The following IRAK4 variants were observed in gnomAD, a reference collection of about 807,000 sequenced individuals.
IRAK4 encodes the protein interleukin-1 receptor-associated kinase 4.
Under a neutral mutation model 51.8 loss-of-function variants are expected in IRAK4, and 44 were observed. The observed-to-expected ratio is 0.85, with a 90% CI of 0.67 to 1.09. IRAK4 has a LOEUF of 1.09. Ranked by LOEUF, IRAK4 falls within the 50% of genes least tolerant of loss-of-function variation. The probability of loss-of-function intolerance (pLI) is 0.00; values close to 1 mark genes in which losing one functional copy is unlikely to be tolerated. For synonymous variants in IRAK4, 149 were observed against 174.1 expected, an observed-to-expected ratio of 0.86 and a Z score of 1.13; for missense variants, 487 against 538.0, an observed-to-expected ratio of 0.91 and a Z score of 0.94.
chr12:43,770,500 T>C (rs1269158445), intron 2 of IRAK4, among the ~76,000 whole-genome samples: 1 of 152,214 alleles, frequency 6.6e-6, no homozygotes, highest in Non-Finnish European at 1.5e-5. Context: ...ACTAGTAAAT[T>C]CATATGATAA....
chr12:43,771,772 C>T (rs1451571074), intron 3 of IRAK4, among the ~76,000 whole-genome samples: 2 of 152,038 alleles, frequency 1.3e-5, no homozygotes, highest in Non-Finnish European at 2.9e-5. Context: ...TCCTTATAAG[C>T]TTTCTTTTTT....
intron 5 of IRAK4, chr12:43,773,742 T>C (rs1212064479): frequency 2.8e-6 from 1 of 359,338 alleles, no homozygotes. Flanking sequence ...TCATTTTGTT[T>C]CCACAACTCA....
chr12:43,771,449 T>A, intron 3 of IRAK4, 84 bp downstream of exon 3: 1 of 1,404,590 alleles, frequency 7.1e-7, no homozygotes, highest in Non-Finnish European at 1.0e-6. Flanking sequence ...TACTCTTCCT[T>A]TTTTCTCATA....
intron 8 of IRAK4, among the ~76,000 whole-genome samples, chr12:43,781,005 G>T (rs1402977469): frequency 1.3e-5 from 2 of 152,138 alleles, no homozygotes; most frequent in East Asian, 3.8e-4. Context: ...CTTCATCTGG[G>T]TATCCCACAG....
At chr12:43,781,067 T>C (rs1216983204) in intron 8 of IRAK4, among the ~76,000 whole-genome samples, 2 of 152,198 alleles carry the variant, frequency 1.3e-5, no homozygotes, top group African/African-American at 4.8e-5. Context: ...CTTCCCAACC[T>C]AAAGTCTTCC....
chr12:43,782,154 T>C (rs1941827376), intron 8 of IRAK4, among the ~76,000 whole-genome samples, 153 bp from the exon 9 acceptor site: 1 of 152,160 alleles, frequency 6.6e-6, no homozygotes, highest in South Asian at 2.1e-4. Flanking sequence ...TGATGCATAC[T>C]ATAAAACGTT....
chr12:43,769,813 A>T (rs1940558007), intron 2 of IRAK4, among the ~76,000 whole-genome samples: 1 of 152,216 alleles, frequency 6.6e-6, no homozygotes, highest in Non-Finnish European at 1.5e-5. Context: ...TGGATGTGAT[A>T]CAATGGGAAA....
At chr12:43,759,194 G>C (rs1592196955) in intron 1 of IRAK4, 178 bp downstream of exon 1, 1 of 152,386 alleles carries the variant, frequency 6.6e-6, no homozygotes, top group South Asian at 2.1e-4. Context: ...CCAGAAGAAA[G>C]ACTTGGGTAG....
At chr12:43,774,875 G>C (rs1835507020) in intron 6 of IRAK4, among the ~76,000 whole-genome samples, 1 of 152,218 alleles carries the variant, frequency 6.6e-6, no homozygotes, top group African/African-American at 2.4e-5. Context: ...CAACATGCCA[G>C]ACATTGTGCT....
At chr12:43,785,653 T>TAC (rs1170622722) in intron 10 of IRAK4, among the ~76,000 whole-genome samples, 2 of 149,172 alleles carry the variant, frequency 1.3e-5, no homozygotes, top group African/African-American at 2.5e-5. Flanking sequence ...TATATATATA[T>TAC]ACACATACCC....
chr12:43,764,946 G>A (rs4251445), intron 1 of IRAK4, among the ~76,000 whole-genome samples: 1,783 of 152,242 alleles, frequency 0.012, 37 homozygotes, highest in African/African-American at 0.04. Flanking sequence ...CTGCAGCCAT[G>A]CCCTTGCTTT....
intron 6 of IRAK4, among the ~76,000 whole-genome samples, chr12:43,775,041 C>T (rs780212627): frequency 2.6e-4 from 40 of 152,222 alleles, no homozygotes; most frequent in Admixed American, 6.5e-4. Flanking sequence ...TGTTTGATTG[C>T]GGAGCCTGAA....
intron 1 of IRAK4, among the ~76,000 whole-genome samples, chr12:43,765,840 C>CA (rs35140478): frequency 0.045 from 5,215 of 115,892 alleles, 111 homozygotes; most frequent in African/African-American, 0.071. Flanking sequence ...TAACATGAGC[C>CA]AAAAAAAAAA....
chr12:43,780,281 T>C lies in IRAK4; in HGVS notation c.941+1979T>C, dbSNP rs569996507. On this transcript the variant is annotated intron_variant, in intron 8 of 11. Transcript: ENST00000613694. Reference sequence around the variant, plus strand: ...TATAGACAAGTCTTTTAAGACATTTTACTAGTGAAGGGGACAGCTAGAAAT... The same window carrying C: ...TATAGACAAGTCTTTTAAGACATTTCACTAGTGAAGGGGACAGCTAGAAAT... 5.3e-5 allele frequency among the ~76,000 whole-genome samples: 8 copies of C among 152,320 alleles called. No homozygotes were observed. The South Asian group carries it at 1.4e-3, about 28-fold the overall frequency.
At chr12:43,774,441 G>A (rs1256277696) in intron 6 of IRAK4, among the ~76,000 whole-genome samples, 1 of 152,046 alleles carries the variant, frequency 6.6e-6, no homozygotes, top group Non-Finnish European at 1.5e-5. Flanking sequence ...TAGAGACGGG[G>A]TTTCACCGTG....
At chr12:43,764,672 A>G (rs1939928898) in intron 1 of IRAK4, among the ~76,000 whole-genome samples, 1 of 152,204 alleles carries the variant, frequency 6.6e-6, no homozygotes, top group Non-Finnish European at 1.5e-5. Flanking sequence ...TGGATGCCTA[A>G]TGATTTCCAG....
At chr12:43,769,885 A>G (rs1427535095) in intron 2 of IRAK4, among the ~76,000 whole-genome samples, 2 of 152,194 alleles carry the variant, frequency 1.3e-5, no homozygotes, top group African/African-American at 4.8e-5. Flanking sequence ...ATCATGAGAA[A>G]GTAGTCAGAT....
intron 2 of IRAK4, 90 bp downstream of exon 2, chr12:43,768,362 A>C (rs1940395341): frequency 3.1e-6 from 3 of 977,026 alleles, no homozygotes; most frequent in Non-Finnish European, 4.6e-6. Flanking sequence ...GTGGCAGTTT[A>C]GAAAGTAAAC....
rs1398363272 is a variant in IRAK4, at chr12:43,786,917, A to AC, written c.*207dup. ...ACACTTAGCCCTACCCATTAGTATC[A>AC]CCCCCAGTTCTTACAGTAATCCCTG... On this transcript the variant is annotated 3_prime_UTR_variant, in exon 12 of 12. Coordinates refer to ENST00000613694, the MANE Select transcript of IRAK4 (RefSeq NM_016123.4). 4 of 588,532 alleles carry AC rather than the reference A, an allele frequency of 6.8e-6. No individual in the cohort carries two copies. The South Asian group carries it at 8.6e-5, about 13-fold the overall frequency. 36.5% of individuals were successfully genotyped at this position (588,532 alleles called of 1,614,324 possible).
Sources: gnomAD v4.1 joint callset for allele counts (sites outside exome capture counted in the v4.1 genomes callset) on GRCh38, gnomAD v4.1.1 for gene constraint, MANE v1.5 for transcripts, NCBI Gene and HGNC (gene_info 2026-07-23, HGNC 2026-07-21) for gene names.